The following PPM1H variants were observed in gnomAD, a reference collection of about 807,000 sequenced individuals.
PPM1H encodes protein phosphatase, Mg2+/Mn2+ dependent 1H, also known as protein phosphatase 1H.
In PPM1H, 27 loss-of-function variants were observed where a neutral mutation model predicts 54.9. The ratio of observed to expected loss-of-function variants is 0.49; its 90% CI spans 0.36 to 0.68. The LOEUF (loss-of-function observed/expected upper bound fraction) is 0.68, where lower values mean the gene tolerates loss of function less well. PPM1H is among the 30% of genes least tolerant of loss of function. PPM1H has a pLI of 0.00. For missense variants in PPM1H, 596 were observed against 667.8 expected (o/e 0.89, Z 1.19); for synonymous variants, 305 against 270.8 (o/e 1.13, Z -1.24).
chr12:62,863,019 T>C (rs567700706), intron 1 of PPM1H, among the ~76,000 whole-genome samples: 1 of 152,128 alleles, frequency 6.6e-6, no homozygotes, highest in South Asian at 2.1e-4. Context: ...TACAGAGCTG[T>C]TTTTGTTTGT....
chr12:62,708,215 A>G (rs936457888), intron 6 of PPM1H, among the ~76,000 whole-genome samples: 4 of 152,234 alleles, frequency 2.6e-5, no homozygotes, highest in Admixed American at 6.5e-5. Context: ...CTCTCTCTTA[A>G]TAAGTCCTTG....
At chr12:62,830,237 T>G (rs961566420) in intron 2 of PPM1H, among the ~76,000 whole-genome samples, 5 of 152,134 alleles carry the variant, frequency 3.3e-5, no homozygotes, top group Non-Finnish European at 5.9e-5. Context: ...GTTATTCCTT[T>G]ATATTTTATT....
At chr12:62,834,512 T>A (rs2120868582) in intron 1 of PPM1H, among the ~76,000 whole-genome samples, 1 of 152,250 alleles carries the variant, frequency 6.6e-6, no homozygotes, top group African/African-American at 2.4e-5. Context: ...CATCAGTCTG[T>A]GACAGGTTGA....
chr12:62,852,101 C>A (rs947498837), intron 1 of PPM1H, among the ~76,000 whole-genome samples: 1 of 151,646 alleles, frequency 6.6e-6, no homozygotes, highest in African/African-American at 2.4e-5. Flanking sequence ...TGGTGGCGGG[C>A]GCCTGTAATC....
chr12:62,923,606 C>A (rs1871873280), intron 1 of PPM1H, among the ~76,000 whole-genome samples: 1 of 152,134 alleles, frequency 6.6e-6, no homozygotes, highest in African/African-American at 2.4e-5. Flanking sequence ...TTCACCACAT[C>A]GGCCAAGCTG....
intron 6 of PPM1H, among the ~76,000 whole-genome samples, chr12:62,716,654 G>A (rs957234295): frequency 1.3e-5 from 2 of 152,148 alleles, no homozygotes; most frequent in South Asian, 4.1e-4. Context: ...AGCCTCCTGA[G>A]GAGCTGAGAC....
intron 4 of PPM1H, among the ~76,000 whole-genome samples, chr12:62,760,675 T>C (rs180538): frequency 0.078 from 11,874 of 152,260 alleles, 487 homozygotes; most frequent in Middle Eastern, 0.095. Context: ...CTCTTTCTCA[T>C]CAGACCCCAC....
intron 4 of PPM1H, among the ~76,000 whole-genome samples, chr12:62,780,951 T>C (rs746471283): frequency 6.6e-6 from 1 of 152,226 alleles, no homozygotes; most frequent in Non-Finnish European, 1.5e-5. Context: ...ATATTCTACT[T>C]CTATGAACTT....
At chr12:62,755,179 C>G in intron 4 of PPM1H, 1 of 572,396 alleles carries the variant, frequency 1.7e-6, no homozygotes. Flanking sequence ...ATTTGACAGA[C>G]AGCCGCCTCT....
intron 6 of PPM1H, among the ~76,000 whole-genome samples, chr12:62,702,544 CAGAGAGAGAGAGAGAGAGAG>C (rs66497730): frequency 3.6e-5 from 5 of 140,644 alleles, no homozygotes; most frequent in Non-Finnish European, 7.6e-5. Context: ...CCTTGAGCTA[CAGAGAGAGAGAGAGAGAGAG>C]AGAGAGAGAG....
chr12:62,703,646 A>G (rs1358043457), intron 6 of PPM1H, among the ~76,000 whole-genome samples: 1 of 152,042 alleles, frequency 6.6e-6, no homozygotes, highest in Non-Finnish European at 1.5e-5. Flanking sequence ...CTGGACAGGA[A>G]CAGACATAAG....
intron 8 of PPM1H, among the ~76,000 whole-genome samples, chr12:62,679,232 G>A (rs1028088074): frequency 2.0e-5 from 3 of 152,134 alleles, no homozygotes; most frequent in East Asian, 3.9e-4. Flanking sequence ...TGATCTGCCC[G>A]CCTCAGCCTC....
intron 1 of PPM1H, among the ~76,000 whole-genome samples, chr12:62,902,728 C>T (rs1359175868): frequency 6.6e-6 from 1 of 152,210 alleles, no homozygotes; most frequent in Admixed American, 6.5e-5. Flanking sequence ...ACATGTATAA[C>T]CCTTGGCCCA....
intron 6 of PPM1H, among the ~76,000 whole-genome samples, chr12:62,700,227 C>G (rs1162711879): frequency 6.6e-6 from 1 of 152,150 alleles, no homozygotes; most frequent in Non-Finnish European, 1.5e-5. Context: ...TAGCTCACTT[C>G]CTGCTGACCT....
chr12:62,836,519 G>C (rs1039234467), intron 1 of PPM1H, among the ~76,000 whole-genome samples: 3 of 152,130 alleles, frequency 2.0e-5, no homozygotes, highest in African/African-American at 7.2e-5. Context: ...CTTTTTAAAC[G>C]AAGTCACAGC....
chr12:62,773,040 C>T (rs11174639), intron 4 of PPM1H, among the ~76,000 whole-genome samples: 3,186 of 152,066 alleles, frequency 0.021, 110 homozygotes, highest in African/African-American at 0.073. Flanking sequence ...TCCAGCTACT[C>T]GGGAGGCTGA....
At chr12:62,656,725 AGT>A (rs1363858436) in intron 9 of PPM1H, among the ~76,000 whole-genome samples, 1 of 152,148 alleles carries the variant, frequency 6.6e-6, no homozygotes, top group Non-Finnish European at 1.5e-5. Context: ...GCAGTAATAC[AGT>A]GTGAGGGGAA....
chr12:62,772,164 G>C (rs554927634), intron 4 of PPM1H, among the ~76,000 whole-genome samples: 7 of 152,172 alleles, frequency 4.6e-5, no homozygotes, highest in Non-Finnish European at 1.0e-4. Context: ...TGTAGCAAGT[G>C]CTTACTATGT....
chr12:62,777,642 G>A (rs1470394398), intron 4 of PPM1H, among the ~76,000 whole-genome samples: 1 of 152,126 alleles, frequency 6.6e-6, no homozygotes, highest in African/African-American at 2.4e-5. Flanking sequence ...TGACAGCAAT[G>A]GGAGGAAATG....
Sources: gnomAD v4.1 joint callset for allele counts (sites outside exome capture counted in the v4.1 genomes callset) on GRCh38, gnomAD v4.1.1 for gene constraint, MANE v1.5 for transcripts, NCBI Gene and HGNC (gene_info 2026-07-23, HGNC 2026-07-21) for gene names.